The following B9D1 variants were observed in gnomAD, a reference collection of about 807,000 sequenced individuals.
B9D1 encodes the protein B9 domain containing 1.
A neutral mutation model predicts 26.1 loss-of-function variants in B9D1; 20 were observed. The observed-to-expected ratio is 0.77, with a 90% confidence interval of 0.54 to 1.12. B9D1 has a LOEUF of 1.12. Ranked by LOEUF, B9D1 falls within the 50% of genes most tolerant of loss-of-function variation. The pLI is 0.00. For missense variants in B9D1, 260 were observed against 273.7 expected (o/e 0.95, Z 0.35); for synonymous variants, 105 against 103.1 (o/e 1.02, Z -0.11).
chr17:19,354,561 G>A (rs1910073614), intron 3 of B9D1, among the ~76,000 whole-genome samples: 1 of 152,202 alleles, frequency 6.6e-6, no homozygotes, highest in Non-Finnish European at 1.5e-5. Flanking sequence ...TGGGTGCAGT[G>A]GCTCATGCCT....
chr17:19,376,551 G>A (rs1261347435), intron 1 of B9D1, among the ~76,000 whole-genome samples: 1 of 149,970 alleles, frequency 6.7e-6, no homozygotes, highest in Non-Finnish European at 1.5e-5. Context: ...GAGCAGGGGG[G>A]CGTGGATGAC....
At chr17:19,335,582 C>CG, downstream of B9D1, 1 of 1,047,504 alleles carries the variant, frequency 9.5e-7, no homozygotes, top group Non-Finnish European at 1.3e-6. Context: ...TCTGTGCCCA[C>CG]GGGTCCCTGG....
At chr17:19,341,131 CAT>C, downstream of B9D1, 6 of 1,228,388 alleles carry the variant, frequency 4.9e-6, no homozygotes, top group Admixed American at 4.2e-5. Flanking sequence ...GAAAATTAAA[CAT>C]AACCAGAAGA....
Position 19,347,689 on chromosome 17 carries a change from C to T in B9D1, c.341+95G>A. 7.8e-7 allele frequency: 1 copy of T among 1,286,418 alleles called. No individual in the cohort carries two copies. The highest frequency in any genetic ancestry group is 1.1e-6 in the Non-Finnish European group (1 of 905,736). 79.7% of individuals were successfully genotyped at this position (1,286,418 alleles called of 1,614,324 possible). On this transcript the variant is annotated intron_variant, in intron 4 of 6. Coordinates refer to ENST00000261499, the MANE Select transcript of B9D1 (RefSeq NM_015681.6). The surrounding 1 kb of genome is among the most constrained non-coding windows in gnomAD (Gnocchi z 4.3). ...GAGCTGCCCAGGCCCCTGGAGACCC[C>T]AGAGCATTCCCAGCCTGAACCTAAG... is the stretch of plus-strand genomic sequence containing the variant.
downstream of B9D1, among the ~76,000 whole-genome samples, chr17:19,342,526 G>A (rs1247958782): frequency 6.6e-6 from 1 of 152,162 alleles, no homozygotes; most frequent in Non-Finnish European, 1.5e-5. Context: ...GCTGCCTCGT[G>A]AGGTGCGAGG....
At chr17:19,375,552 G>A (rs1239813755) in intron 1 of B9D1, among the ~76,000 whole-genome samples, 4 of 152,188 alleles carry the variant, frequency 2.6e-5, no homozygotes, top group African/African-American at 9.7e-5. Context: ...GAGGTCAGGA[G>A]TTCGAAACCA....
At chr17:19,341,167 G>A, downstream of B9D1, 3 of 1,231,086 alleles carry the variant, frequency 2.4e-6, no homozygotes. Flanking sequence ...TTTCCCAGCT[G>A]CTGACAGGCT....
downstream of B9D1, chr17:19,343,060 G>C: frequency 2.9e-6 from 4 of 1,377,652 alleles, no homozygotes; most frequent in Non-Finnish European, 3.8e-6. Flanking sequence ...AGCTTCCACG[G>C]CACAAGGGGT....
upstream of B9D1, among the ~76,000 whole-genome samples, chr17:19,367,636 A>C (rs934675997): frequency 2.0e-5 from 3 of 152,176 alleles, no homozygotes; most frequent in African/African-American, 7.2e-5. Context: ...TATGTGTATA[A>C]TTCAGGGGCA....
chr17:19,336,788 GGGAGCC>G (rs747191320), downstream of B9D1: 1 of 152,606 alleles, frequency 6.6e-6, no homozygotes, highest in African/African-American at 2.4e-5. Flanking sequence ...TGGGAGATGA[GGGAGCC>G]GATTCTTGTG....
At chr17:19,365,329 G>A (rs1253771633), upstream of B9D1, among the ~76,000 whole-genome samples, 4 of 152,250 alleles carry the variant, frequency 2.6e-5, no homozygotes, top group Non-Finnish European at 4.4e-5. The surrounding 1 kb of genome is among the most constrained non-coding windows in gnomAD (Gnocchi z 5.0). Flanking sequence ...CAACTGTGGA[G>A]AGAGGAGGTG....
chr17:19,369,438 T>A (rs1911773863), intron 1 of B9D1, among the ~76,000 whole-genome samples: 1 of 152,172 alleles, frequency 6.6e-6, no homozygotes, highest in South Asian at 2.1e-4. Flanking sequence ...AATCAGGGCT[T>A]TACTATTTTA....
chr17:19,343,048 G>A, downstream of B9D1: 1 of 1,354,944 alleles, frequency 7.4e-7, no homozygotes, highest in African/African-American at 1.5e-5. Flanking sequence ...TGGTCTCCTG[G>A]CAGCTTCCAC....
At chr17:19,362,919 G>C, upstream of B9D1, 1 of 400,584 alleles carries the variant, frequency 2.5e-6, no homozygotes, top group Non-Finnish European at 4.7e-6. Context: ...ACTCGGCCCG[G>C]CTCCCCGTCC....
intron 1 of B9D1, among the ~76,000 whole-genome samples, chr17:19,375,474 A>G (rs559056564): frequency 2.7e-5 from 4 of 149,116 alleles, no homozygotes; most frequent in Non-Finnish European, 6.0e-5. Flanking sequence ...TAATAATAAT[A>G]AGGCTGGGTA....
At position 19,370,771 on chromosome 17, in the gene B9D1, G is replaced by A. The variant is rs1247145080; in HGVS notation, c.-298+7088C>T. ...GGAAGCCATGGGCAGCCACTTCCCA[G>A]ATGCGGCTTCCTGCCCTTTCCTCCA... On this transcript the variant is annotated intron_variant, in intron 1 of 5. Coordinates refer to the B9D1 transcript ENST00000477478. This position sits in a 1 kb window ranked among gnomAD's most constrained non-coding sequence, Gnocchi z 5.1. Among the ~76,000 whole-genome samples the A allele has an allele frequency of 6.6e-6, 1 of 152,220 alleles. No homozygotes were observed. Among genetic ancestry groups the A allele is most frequent in the African/African-American group, 2.4e-5 (1 of 41,450 alleles).
chr17:19,340,911 A>T (rs925199017), downstream of B9D1: 1 of 182,030 alleles, frequency 5.5e-6, no homozygotes, highest in African/African-American at 2.4e-5. Context: ...AATATACAGA[A>T]GGTGGAGTCC....
At chr17:19,355,885 T>C (rs780322123) in intron 3 of B9D1, among the ~76,000 whole-genome samples, 1 of 152,204 alleles carries the variant, frequency 6.6e-6, no homozygotes, top group Non-Finnish European at 1.5e-5. Flanking sequence ...CAGTCTGTTT[T>C]ATCTCTTTTG....
intron 1 of B9D1, among the ~76,000 whole-genome samples, chr17:19,362,113 G>C (rs1013955791): frequency 6.6e-6 from 1 of 152,202 alleles, no homozygotes; most frequent in African/African-American, 2.4e-5. Flanking sequence ...CAAGGATCTG[G>C]GGATTCAGAA....
Sources: allele counts gnomAD v4.1 joint callset (sites outside exome capture counted in the v4.1 genomes callset), GRCh38; gene constraint gnomAD v4.1.1; non-coding constraint Gnocchi (gnomAD v3.1); transcripts MANE v1.5; gene names NCBI Gene and HGNC (gene_info 2026-07-23, HGNC 2026-07-21).